The following COL26A1 variants were observed in gnomAD, a reference collection of about 807,000 sequenced individuals.
COL26A1 encodes the protein collagen alpha-1(XXVI) chain.
COL26A1 carries 41 observed loss-of-function variants against 59.3 expected under a neutral mutation model. The observed-to-expected ratio is 0.69, with a 90% CI of 0.54 to 0.90. The LOEUF (loss-of-function observed/expected upper bound fraction) is 0.90, where lower values mean the gene tolerates loss of function less well. Ranked by LOEUF, COL26A1 falls within the 40% of genes least tolerant of loss-of-function variation. COL26A1 has a pLI of 0.00. For synonymous variants in COL26A1, 266 were observed against 256.0 expected, an observed-to-expected ratio of 1.04 and a Z score of -0.37; for missense variants, 612 against 602.3, an observed-to-expected ratio of 1.02 and a Z score of -0.17.
intron 3 of COL26A1, among the ~76,000 whole-genome samples, chr7:101,463,636 T>A (rs111608393): frequency 0.097 from 4,882 of 50,354 alleles, 249 homozygotes; most frequent in African/African-American, 0.22. Flanking sequence ...TCTTCCTTCC[T>A]TCCTTCCATC....
intron 3 of COL26A1, among the ~76,000 whole-genome samples, chr7:101,493,858 G>A (rs1288630974): frequency 1.3e-5 from 2 of 151,242 alleles, no homozygotes; most frequent in African/African-American, 2.4e-5. Context: ...GCGGGAACCC[G>A]GGAGGTGGAG....
chr7:101,476,551 T>TA (rs1491574273), intron 3 of COL26A1, among the ~76,000 whole-genome samples: 4 of 45,548 alleles, frequency 8.8e-5, no homozygotes, highest in Non-Finnish European at 2.1e-4. Flanking sequence ...ACTTGGTTAC[T>TA]TTTTTTTTTT....
At chr7:101,436,069 C>T (rs1584405674) in intron 2 of COL26A1, among the ~76,000 whole-genome samples, 1 of 152,218 alleles carries the variant, frequency 6.6e-6, no homozygotes, top group Non-Finnish European at 1.5e-5. Context: ...TGGCTGCCCA[C>T]CCCAAGCAGT....
At chr7:101,414,637 A>G (rs532213195) in intron 1 of COL26A1, among the ~76,000 whole-genome samples, 5 of 152,244 alleles carry the variant, frequency 3.3e-5, no homozygotes, top group African/African-American at 1.2e-4. Flanking sequence ...AGGTTTTGCC[A>G]TGTTGGCCAG....
At chr7:101,542,572 G>A (rs767123546) in intron 5 of COL26A1, among the ~76,000 whole-genome samples, 3 of 152,304 alleles carry the variant, frequency 2.0e-5, no homozygotes, top group Admixed American at 1.3e-4. Flanking sequence ...TGGAGGGGGC[G>A]CTCTCCCTCT....
At chr7:101,398,176 C>CT (rs1366100341) in intron 1 of COL26A1, among the ~76,000 whole-genome samples, 7 of 152,200 alleles carry the variant, frequency 4.6e-5, no homozygotes, top group Admixed American at 4.6e-4. Flanking sequence ...TCCCATGCTG[C>CT]TTCCATTCTC....
chr7:101,395,253 T>G (rs994521847), intron 1 of COL26A1, among the ~76,000 whole-genome samples: 4 of 152,178 alleles, frequency 2.6e-5, no homozygotes, highest in African/African-American at 9.7e-5. Flanking sequence ...GGAGAAAACC[T>G]TATCCTGAGG....
intron 3 of COL26A1, among the ~76,000 whole-genome samples, chr7:101,460,078 T>A (rs1045348001): frequency 6.6e-6 from 1 of 152,154 alleles, no homozygotes; most frequent in Non-Finnish European, 1.5e-5. Flanking sequence ...TTCTGAGACT[T>A]GCCTTCCATA....
At chr7:101,401,254 C>G (rs1791988976) in intron 1 of COL26A1, among the ~76,000 whole-genome samples, 2 of 152,154 alleles carry the variant, frequency 1.3e-5, no homozygotes, top group Non-Finnish European at 2.9e-5. Flanking sequence ...ACTCTGCCTG[C>G]CTAGCCTCCC....
intron 3 of COL26A1, among the ~76,000 whole-genome samples, chr7:101,468,355 ACC>A (rs1371588468): frequency 1.3e-5 from 2 of 152,104 alleles, no homozygotes; most frequent in Admixed American, 1.3e-4. Context: ...TTAAAAGGAA[ACC>A]CTTACCAAGG....
intron 2 of COL26A1, among the ~76,000 whole-genome samples, chr7:101,440,095 G>C (rs910687581): frequency 6.6e-6 from 1 of 152,214 alleles, no homozygotes; most frequent in Non-Finnish European, 1.5e-5. Context: ...GCCAGGGGCA[G>C]TGGCTCACGC....
intron 1 of COL26A1, among the ~76,000 whole-genome samples, chr7:101,385,335 A>ATG (rs146470689): frequency 0.058 from 8,425 of 145,760 alleles, 542 homozygotes; most frequent in African/African-American, 0.15. Context: ...GACACTAAAT[A>ATG]TGTATATATA....
At chr7:101,380,292 ATTTT>A (rs34990402) in intron 1 of COL26A1, among the ~76,000 whole-genome samples, 1 of 115,900 alleles carries the variant, frequency 8.6e-6, no homozygotes, top group Non-Finnish European at 1.8e-5. Context: ...ACCCAGCTAC[ATTTT>A]TTTTTTTTTT....
intron 3 of COL26A1, among the ~76,000 whole-genome samples, chr7:101,532,826 A>G (rs771630796): frequency 2.0e-5 from 3 of 152,210 alleles, no homozygotes; most frequent in African/African-American, 7.2e-5. Flanking sequence ...TCACCAGCTC[A>G]TGGCATCACC....
chr7:101,420,954 A>G (rs908250686), intron 2 of COL26A1, among the ~76,000 whole-genome samples: 1 of 151,654 alleles, frequency 6.6e-6, no homozygotes, highest in Admixed American at 6.6e-5. Flanking sequence ...GGCTTCCCCA[A>G]ACCACTCTCC....
intron 1 of COL26A1, among the ~76,000 whole-genome samples, chr7:101,412,644 CAAAAAAA>C (rs55967503): frequency 2.3e-5 from 2 of 88,020 alleles, no homozygotes; most frequent in Non-Finnish European, 4.4e-5. Flanking sequence ...GACTCCGTCT[CAAAAAAA>C]AAAAAAAAAA....
At position 101,533,180 on chromosome 7, in the gene COL26A1, C is replaced by T. The variant is rs376810197; in HGVS notation, c.447+37C>T. On this transcript the variant is annotated intron_variant, in intron 4 of 12. Transcript: ENST00000313669. ...TGGGGAGTCTGGGCCTGGGGAGCTG[C>T]CTGGGGACCTTGGGTGGTGGAGGGA... The T allele has an allele frequency of 1.6e-4, 246 of 1,513,974 alleles. 2 individuals are homozygous for T. In the Middle Eastern group the frequency reaches 6.7e-3, roughly 41 times the overall value. 93.8% of individuals were successfully genotyped at this position (1,513,974 alleles called of 1,614,324 possible).
chr7:101,476,846 C>CA (rs1050846508), intron 3 of COL26A1, among the ~76,000 whole-genome samples: 9 of 135,014 alleles, frequency 6.7e-5, no homozygotes, highest in African/African-American at 2.7e-4. Flanking sequence ...CATGCCCAGC[C>CA]ATTTTTTTTT....
chr7:101,552,365 T>A (rs1795878841), intron 10 of COL26A1, among the ~76,000 whole-genome samples: 1 of 152,102 alleles, frequency 6.6e-6, no homozygotes, highest in South Asian at 2.1e-4. Flanking sequence ...CCCCAGTGCT[T>A]TGGGAGGCCA....
Sources: gnomAD v4.1 joint callset for allele counts (sites outside exome capture counted in the v4.1 genomes callset) on GRCh38, gnomAD v4.1.1 for gene constraint, MANE v1.5 for transcripts, NCBI Gene and HGNC (gene_info 2026-07-23, HGNC 2026-07-21) for gene names.